The following ATP8A1 variants were observed in gnomAD, a reference collection of about 807,000 sequenced individuals.
ATP8A1 encodes the protein phospholipid-transporting ATPase IA.
ATP8A1 carries 90 observed loss-of-function variants against 177.7 expected under a neutral mutation model. The observed-to-expected ratio is 0.51, with a 90% CI of 0.43 to 0.60. ATP8A1 has a LOEUF of 0.60. Among genes scored for constraint, ATP8A1 ranks in the 20% least tolerant of loss-of-function variants. The pLI is 0.00. For synonymous variants in ATP8A1, 493 were observed against 485.9 expected (o/e 1.01, Z -0.19); for missense variants, 1,072 against 1,392.8 (o/e 0.77, Z 3.67).
rs1719938530 is a variant in ATP8A1, at chr4:42,467,659, C to T, written c.2325-2583G>A. 2.6e-5 allele frequency among the ~76,000 whole-genome samples: 4 copies of T among 152,208 alleles called. No homozygotes were observed. The South Asian group carries it at 8.3e-4, about 31-fold the overall frequency. On this transcript the variant is annotated intron_variant, in intron 25 of 36. Transcript: ENST00000381668. ...AGTGAGCTGAGATGGCGCCACTGCA[C>T]TCCAGCCTGGGTGACAGAGCGGGAC... is the stretch of plus-strand genomic sequence containing the variant.
intron 33 of ATP8A1, among the ~76,000 whole-genome samples, chr4:42,430,444 C>G (rs1715143818): frequency 1.3e-5 from 2 of 151,918 alleles, no homozygotes; most frequent in Non-Finnish European, 2.9e-5. Context: ...GGGTGTTCTG[C>G]CCCAGCCCTG....
intron 4 of ATP8A1, among the ~76,000 whole-genome samples, chr4:42,623,396 T>C (rs1193021078): frequency 6.6e-6 from 1 of 152,210 alleles, no homozygotes; most frequent in African/African-American, 2.4e-5. Context: ...TATGCATATG[T>C]ATGTTCATTT....
intron 1 of ATP8A1, among the ~76,000 whole-genome samples, chr4:42,651,239 A>C (rs1741064007): frequency 6.6e-6 from 1 of 152,160 alleles, no homozygotes. Context: ...GTACGTCTTC[A>C]TCAGGAGCAT....
intron 21 of ATP8A1, among the ~76,000 whole-genome samples, chr4:42,524,161 C>T (rs1384928670): frequency 2.0e-5 from 3 of 152,158 alleles, no homozygotes; most frequent in Non-Finnish European, 2.9e-5. Flanking sequence ...CTATGTACTG[C>T]TTTGCCTTGC....
chr4:42,455,712 C>T (rs940733008), intron 27 of ATP8A1, 113 bp from the exon 28 acceptor site: 1 of 880,088 alleles, frequency 1.1e-6, no homozygotes. Context: ...ATATTATACT[C>T]ATGACTCTTT....
chr4:42,549,042 A>G lies in ATP8A1; in HGVS notation c.1623T>C (p.Tyr541=), dbSNP rs1284163173. Residue 541 remains tyrosine, a synonymous_variant, in exon 19 of 37, where the codon TAT becomes TAC. Transcript: ENST00000381668. ...TAAACTCCAAGACATTGAGCAATTC[A>G]TATCTTTCTTCCTGCCCCAGCTAAG... is the stretch of plus-strand genomic sequence containing the variant. ...IIDSLGQEER[Y]ELLNVLEFTS... 4 of 1,612,276 alleles carry G rather than the reference A, an allele frequency of 2.5e-6. No homozygotes were observed. In the African/African-American group the frequency reaches 5.3e-5, roughly 22 times the overall value.
At chr4:42,626,771 C>T (rs1870609) in intron 2 of ATP8A1, 138,432 of 548,994 alleles carry the variant, frequency 0.25, 19,234 homozygotes, top group Non-Finnish European at 0.29. Flanking sequence ...TATGCAGCAT[C>T]GGCAGAGGAT....
intron 5 of ATP8A1, among the ~76,000 whole-genome samples, chr4:42,608,453 A>G (rs1175454672): frequency 6.6e-6 from 1 of 151,154 alleles, no homozygotes; most frequent in Non-Finnish European, 1.5e-5. Flanking sequence ...TCCACCTCTC[A>G]GGTTCAAGCA....
Position 42,567,007 on chromosome 4 carries a change from T to TG in ATP8A1, c.1340+2153_1340+2154insC, listed in dbSNP as rs1414562990. 2.6e-5 allele frequency among the ~76,000 whole-genome samples: 4 copies of TG among 152,316 alleles called. No individual in the cohort carries two copies. The East Asian group carries it at 7.7e-4, about 29-fold the overall frequency. ...CAAAACCTCCTGATGATGCAACTAC[T>TG]ATTATTATCTACATTCTTCCAGATG... On this transcript the variant is annotated intron_variant, in intron 15 of 36. Transcript: ENST00000381668.
intron 1 of ATP8A1, among the ~76,000 whole-genome samples, chr4:42,639,789 A>C (rs143955025): frequency 6.6e-6 from 1 of 152,356 alleles, no homozygotes; most frequent in African/African-American, 2.4e-5. Context: ...TTCAGTATGC[A>C]TGGGGGATTG....
intron 20 of ATP8A1, among the ~76,000 whole-genome samples, chr4:42,541,440 A>C (rs1728376658): frequency 6.6e-6 from 1 of 152,222 alleles, no homozygotes; most frequent in Non-Finnish European, 1.5e-5. Context: ...AAAATGGCAT[A>C]GCCACTTGGA....
intron 1 of ATP8A1, among the ~76,000 whole-genome samples, chr4:42,654,262 C>G (rs1031042317): frequency 6.6e-6 from 1 of 152,154 alleles, no homozygotes; most frequent in South Asian, 2.1e-4. Context: ...ACAGCATGCA[C>G]AATATTTAAT....
rs866806298 is a variant in ATP8A1, at chr4:42,410,297, A to G, written c.*2619T>C. The G allele has an allele frequency of 2.0e-5, 3 of 152,194 alleles. No homozygotes were observed. The highest frequency in any genetic ancestry group is 4.8e-5 in the African/African-American group (2 of 41,446). The allele number at this position is 152,194 out of a possible 1,614,324, so 9.4% of individuals were successfully genotyped here. A position where few individuals can be genotyped will look rare whatever the true frequency, so the allele number is the denominator to read the frequency against. ...GCTAAATGAATGAGGATTTTCTATT[A>G]TAAGTCGTATTGTCTGAATTGTAAA... On this transcript the variant is annotated 3_prime_UTR_variant, in exon 37 of 37. Coordinates refer to ENST00000381668, the MANE Select transcript of ATP8A1 (RefSeq NM_006095.2).
At chr4:42,561,449 T>C (rs1330417409) in intron 15 of ATP8A1, 1 of 152,358 alleles carries the variant, frequency 6.6e-6, no homozygotes, top group Non-Finnish European at 1.5e-5. Flanking sequence ...CTGGGACCCC[T>C]GGCTTACCCT....
At position 42,603,331 on chromosome 4, in the gene ATP8A1, C is replaced by T. The variant is rs148494231; in HGVS notation, c.410-2813G>A. Among the ~76,000 whole-genome samples the T allele has an allele frequency of 3.3e-4, 50 of 152,224 alleles. No homozygotes were observed. In the East Asian group the frequency reaches 7.9e-3, roughly 24 times the overall value. ...GATATTTTATGTTTTTTCTTAACCT[C>T]ACGAGGGTTATTTTTTATTCTATAT... On this transcript the variant is annotated intron_variant, in intron 5 of 36. Coordinates refer to ENST00000381668, the MANE Select transcript of ATP8A1 (RefSeq NM_006095.2).
chr4:42,474,456 A>T (rs191822330), intron 25 of ATP8A1, among the ~76,000 whole-genome samples: 132 of 152,330 alleles, frequency 8.7e-4, no homozygotes, highest in African/African-American at 3.0e-3. Flanking sequence ...AACATGCTTA[A>T]AAAACAAAAC....
At chr4:42,421,475 G>GA (rs529211209) in intron 35 of ATP8A1, among the ~76,000 whole-genome samples, 389 of 152,146 alleles carry the variant, frequency 2.6e-3, no homozygotes, top group Non-Finnish European at 4.4e-3. Context: ...TCCTCATCTG[G>GA]AAAAAAATGG....
At chr4:42,601,824 C>G (rs1735303499) in intron 5 of ATP8A1, among the ~76,000 whole-genome samples, 1 of 152,148 alleles carries the variant, frequency 6.6e-6, no homozygotes, top group African/African-American at 2.4e-5. Context: ...ATAGATGAAG[C>G]CTGAACCCTC....
In ATP8A1 at chr4:42,627,360, C is replaced by T. The variant is rs532022054; in HGVS notation, c.50-251G>A. ...CATAACATCAACTTTCCATTTCCCC[C>T]GTAAGTGTTCAACTTCTTTCCTTCC... is the stretch of plus-strand genomic sequence containing the variant. On this transcript the variant is annotated intron_variant, in intron 1 of 36. Transcript: ENST00000381668. Among the ~76,000 whole-genome samples, 169 of 152,262 alleles carry T rather than the reference C, an allele frequency of 1.1e-3. 2 individuals are homozygous for T. Among genetic ancestry groups the T allele is most frequent in the African/African-American group, 3.9e-3 (164 of 41,554 alleles).
Sources: allele counts gnomAD v4.1 joint callset (sites outside exome capture counted in the v4.1 genomes callset), GRCh38; gene constraint gnomAD v4.1.1; transcripts MANE v1.5; gene names NCBI Gene and HGNC (gene_info 2026-07-23, HGNC 2026-07-21).